Variants in METTL9 observed in about 807,000 individuals in gnomAD.
The protein encoded by METTL9 is protein-L-histidine N-pros-methyltransferase.
Under a neutral mutation model 36.0 loss-of-function variants are expected in METTL9, and 10 were observed. The ratio of observed to expected loss-of-function variants is 0.28; its 90% CI spans 0.17 to 0.47. METTL9 has a LOEUF of 0.47. Among genes scored for constraint, METTL9 ranks in the 20% least tolerant of loss-of-function variants. The pLI, the probability that METTL9 is intolerant of heterozygous loss-of-function variation, is 0.99. For synonymous variants in METTL9, 175 were observed against 149.7 expected, an observed-to-expected ratio of 1.17 and a Z score of -1.23; for missense variants, 246 against 383.5, an observed-to-expected ratio of 0.64 and a Z score of 3.00.
chr16:21,635,602 G>A (rs527765230), intron 4 of METTL9, among the ~76,000 whole-genome samples: 4 of 152,168 alleles, frequency 2.6e-5, no homozygotes, highest in South Asian at 4.2e-4. Flanking sequence ...CTTCCCTCAG[G>A]TGGCCATTTT....
At chr16:21,655,195 A>G (rs1182611530) in intron 4 of METTL9, 32 bp from the exon 5 acceptor site, 4 of 1,590,110 alleles carry the variant, frequency 2.5e-6, no homozygotes, top group South Asian at 2.2e-5. Context: ...TGTTTGTTCA[A>G]GAATTTAACT....
upstream of METTL9, among the ~76,000 whole-genome samples, chr16:21,597,556 T>C (rs1338631314): frequency 2.0e-5 from 3 of 152,246 alleles, no homozygotes; most frequent in Non-Finnish European, 4.4e-5. Context: ...AGCAGCCATC[T>C]ACTTGCTTGT....
chr16:21,647,526 C>T, intron 4 of METTL9: 1 of 1,571,896 alleles, frequency 6.4e-7, no homozygotes, highest in African/African-American at 1.4e-5. Context: ...GGTTAATGGG[C>T]CTGCCACCTC....
At chr16:21,641,777 A>G (rs186616767) in intron 4 of METTL9, among the ~76,000 whole-genome samples, 1 of 152,212 alleles carries the variant, frequency 6.6e-6, no homozygotes, top group Non-Finnish European at 1.5e-5. Context: ...GGAACTGAAA[A>G]ATACTTTTTT....
At chr16:21,623,049 C>G (rs1002424319) in intron 3 of METTL9, among the ~76,000 whole-genome samples, 8 of 151,988 alleles carry the variant, frequency 5.3e-5, no homozygotes, top group African/African-American at 1.5e-4. Flanking sequence ...CATTTTTGTT[C>G]TGAAAGTAGT....
intron 1 of METTL9, among the ~76,000 whole-genome samples, chr16:21,603,079 A>G (rs562639523): frequency 4.6e-5 from 7 of 152,144 alleles, no homozygotes; most frequent in Admixed American, 2.0e-4. Context: ...AACATTTACT[A>G]CGTGGCTTCT....
intron 4 of METTL9, among the ~76,000 whole-genome samples, chr16:21,648,627 A>G (rs1157577236): frequency 6.6e-6 from 1 of 152,210 alleles, no homozygotes; most frequent in Non-Finnish European, 1.5e-5. Flanking sequence ...TATCCCAGGC[A>G]TGTGAAGCTG....
At chr16:21,648,960 A>G (rs1966497049) in intron 4 of METTL9, among the ~76,000 whole-genome samples, 1 of 151,920 alleles carries the variant, frequency 6.6e-6, no homozygotes, top group Non-Finnish European at 1.5e-5. Context: ...TTGTGATGCG[A>G]GTCTCTTCTC....
intron 4 of METTL9, among the ~76,000 whole-genome samples, chr16:21,648,630 T>C (rs569095291): frequency 6.6e-6 from 1 of 152,318 alleles, no homozygotes; most frequent in East Asian, 1.9e-4. Context: ...CCCAGGCATG[T>C]GAAGCTGGAA....
At chr16:21,620,155 A>G (rs1435166471) in intron 3 of METTL9, among the ~76,000 whole-genome samples, 1 of 152,180 alleles carries the variant, frequency 6.6e-6, no homozygotes, top group Non-Finnish European at 1.5e-5. Context: ...CGACCTTCCT[A>G]GCTTGAACTG....
intron 4 of METTL9, chr16:21,647,452 C>T (rs1475130329): frequency 1.2e-6 from 2 of 1,613,992 alleles, no homozygotes; most frequent in Non-Finnish European, 1.7e-6. Context: ...CTTCTAGGTA[C>T]CACGGTTGTG....
At position 21,599,831 on chromosome 16, in the gene METTL9, A is replaced by T; in HGVS notation, c.98A>T (p.Tyr33Phe). ...TLRSPLTRSL[Y>F]VNMTSGPGGP... ...CGGAGCCCGCTCACCCGCTCCCTGT[A>T]CGTGAACATGACTAGCGGCCCGGGT... is the stretch of plus-strand genomic sequence containing the variant. The change falls in exon 1 of 5, where the codon TAC becomes TTC. Residue 33 changes from tyrosine to phenylalanine, a missense_variant. By Grantham distance (22) the Tyr-to-Phe change is conservative. Transcript: ENST00000358154. This position sits in a 1 kb window ranked among gnomAD's most constrained non-coding sequence, Gnocchi z 4.4. 1 of 1,538,602 alleles carries T rather than the reference A, an allele frequency of 6.5e-7. No individual in the cohort carries two copies. The highest frequency in any genetic ancestry group is 8.7e-7 in the Non-Finnish European group (1 of 1,149,314).
chr16:21,622,140 C>CTTTTTTTTTTTTTTTT, intron 3 of METTL9, among the ~76,000 whole-genome samples: 1 of 25,836 alleles, frequency 3.9e-5, no homozygotes, highest in Non-Finnish European at 6.2e-5. Context: ...CCATGCCTGG[C>CTTTTTTTTTTTTTTTT]CTTTTTTTTT....
At chr16:21,631,014 A>AG (rs1965946958) in intron 4 of METTL9, among the ~76,000 whole-genome samples, 1 of 152,186 alleles carries the variant, frequency 6.6e-6, no homozygotes, top group South Asian at 2.1e-4. Flanking sequence ...CTCAGCAGTG[A>AG]GGAGGTCTAC....
chr16:21,653,436 C>G (rs1186322832), intron 4 of METTL9: 2 of 152,222 alleles, frequency 1.3e-5, no homozygotes, highest in Non-Finnish European at 2.9e-5. Flanking sequence ...TGTCCTCTCC[C>G]CCAGCACTTA....
chr16:21,622,340 G>T (rs1418603597), intron 3 of METTL9, among the ~76,000 whole-genome samples: 1 of 151,264 alleles, frequency 6.6e-6, no homozygotes, highest in Non-Finnish European at 1.5e-5. Context: ...TAGAGATGGG[G>T]TCTTGTTGTG....
Position 21,646,450 on chromosome 16 carries a change from T to A in METTL9, c.752-8777T>A, listed in dbSNP as rs551543387. 2.2e-3 allele frequency: 339 copies of A among 156,452 alleles called. 1 individual carries two copies. Among genetic ancestry groups the A allele is most frequent in the Middle Eastern group, 0.01 (3 of 296 alleles). The allele number at this position is 156,452 out of a possible 1,614,324, so 9.7% of individuals were successfully genotyped here. On this transcript the variant is annotated intron_variant, in intron 4 of 4. Transcript: ENST00000358154. ...CTTTTACACTTCTCTAGTGCTTTGT[T>A]CTAGGTGGTGCATTACCAGACTAGT... is the stretch of plus-strand genomic sequence containing the variant.
intron 3 of METTL9, among the ~76,000 whole-genome samples, chr16:21,621,848 C>A (rs746470287): frequency 1.3e-5 from 2 of 151,924 alleles, no homozygotes; most frequent in Admixed American, 6.6e-5. Flanking sequence ...GTTTAGAGCT[C>A]TCCCAACCCG....
intron 2 of METTL9, among the ~76,000 whole-genome samples, chr16:21,617,490 G>A (rs2152894583): frequency 6.6e-6 from 1 of 151,866 alleles, no homozygotes; most frequent in East Asian, 1.9e-4. Flanking sequence ...CACTTTGGGA[G>A]GCCGAGGCGG....
Sources: allele counts gnomAD v4.1 joint callset (sites outside exome capture counted in the v4.1 genomes callset), GRCh38; gene constraint gnomAD v4.1.1; non-coding constraint Gnocchi (gnomAD v3.1); transcripts MANE v1.5; gene names NCBI Gene and HGNC (gene_info 2026-07-23, HGNC 2026-07-21).